The following PCDH7 variants were observed in gnomAD, a reference collection of about 807,000 sequenced individuals.
PCDH7 encodes protocadherin-7.
Under a neutral mutation model 58.9 loss-of-function variants are expected in PCDH7, and 17 were observed. That is an observed-to-expected ratio of 0.29 (90% CI 0.20 to 0.43). PCDH7 has a LOEUF of 0.43. Ranked by LOEUF, PCDH7 falls within the 20% of genes least tolerant of loss-of-function variation. The pLI, the probability that PCDH7 is intolerant of heterozygous loss-of-function variation, is 1.00. For missense variants in PCDH7, 1,274 were observed against 1,441.0 expected (o/e 0.88, Z 1.88); for synonymous variants, 664 against 616.4 (o/e 1.08, Z -1.14).
chr4:30,991,981 C>G (rs955399478), intron 3 of PCDH7, among the ~76,000 whole-genome samples: 1 of 152,142 alleles, frequency 6.6e-6, no homozygotes, highest in Middle Eastern at 3.4e-3. Context: ...GTGAGTAGAG[C>G]CATGTCTTTG....
intron 3 of PCDH7, among the ~76,000 whole-genome samples, chr4:31,019,224 A>T (rs890798791): frequency 2.0e-5 from 3 of 152,198 alleles, no homozygotes; most frequent in African/African-American, 7.2e-5. Flanking sequence ...ACAAATTATG[A>T]TATATTTATA....
At chr4:30,824,100 TTTCTTTC>T (rs1247362016) in intron 1 of PCDH7, among the ~76,000 whole-genome samples, 1 of 115,568 alleles carries the variant, frequency 8.7e-6, no homozygotes, top group Non-Finnish European at 1.8e-5. Flanking sequence ...TCTTTCTTTC[TTTCTTTC>T]TTTCTTTCTT....
intron 1 of PCDH7, among the ~76,000 whole-genome samples, chr4:30,741,349 T>C (rs2109248640): frequency 7.1e-6 from 1 of 140,146 alleles, no homozygotes; most frequent in East Asian, 2.0e-4. Flanking sequence ...TGCCACCATA[T>C]ATGGCTAGTT....
intron 1 of PCDH7, among the ~76,000 whole-genome samples, chr4:30,899,169 C>G (rs1022953083): frequency 1.5e-4 from 23 of 152,058 alleles, no homozygotes; most frequent in African/African-American, 5.6e-4. Context: ...GTCACTGCCC[C>G]AGGGTTTTTT....
chr4:30,812,474 G>A (rs1205925613), intron 1 of PCDH7, among the ~76,000 whole-genome samples: 2 of 152,134 alleles, frequency 1.3e-5, no homozygotes, highest in Non-Finnish European at 2.9e-5. Context: ...TTGTATGAAA[G>A]TGTTTAGTCA....
chr4:30,833,460 A>G (rs1730066017), intron 1 of PCDH7, among the ~76,000 whole-genome samples: 1 of 152,150 alleles, frequency 6.6e-6, no homozygotes. Context: ...TTCCACATAT[A>G]AGAGCCCTTG....
At chr4:30,807,923 G>C (rs536996061) in intron 1 of PCDH7, among the ~76,000 whole-genome samples, 8 of 152,118 alleles carry the variant, frequency 5.3e-5, no homozygotes, top group Non-Finnish European at 8.8e-5. Context: ...GTCCACCCAG[G>C]TTTCGTTTTT....
chr4:31,023,681 C>CT (rs938794940), intron 3 of PCDH7, among the ~76,000 whole-genome samples: 18 of 152,100 alleles, frequency 1.2e-4, no homozygotes, highest in African/African-American at 4.3e-4. Flanking sequence ...TTTTTCCCTC[C>CT]TTTTTTGTAT....
rs75997359 is a variant in PCDH7, at chr4:30,800,200, G to C, written c.70+75604G>C. On this transcript the variant is annotated intron_variant, in intron 1 of 3. Coordinates refer to the PCDH7 transcript ENST00000509759. ...CTGATATCATAAGTAAAGTATATCA[G>C]GGATCCTAATGTCAGTGTGGGGTCA... Among the ~76,000 whole-genome samples, 594 of 152,038 alleles carry C rather than the reference G, an allele frequency of 3.9e-3. 3 individuals are homozygous for C. The highest frequency in any genetic ancestry group is 0.014 in the African/African-American group (569 of 41,460).
At chr4:30,955,592 A>G (rs2109452811) in intron 3 of PCDH7, among the ~76,000 whole-genome samples, 1 of 151,444 alleles carries the variant, frequency 6.6e-6, no homozygotes, top group African/African-American at 2.4e-5. Context: ...CCCAGGCTGG[A>G]GTGCAGTGAG....
At chr4:31,028,828 G>A (rs188676849) in intron 3 of PCDH7, among the ~76,000 whole-genome samples, 1 of 152,206 alleles carries the variant, frequency 6.6e-6, no homozygotes, top group Non-Finnish European at 1.5e-5. Context: ...AGAATAATTT[G>A]AGGCTTTGGG....
chr4:30,920,307 A>G, exon 2 of PCDH7: 1 of 1,367,648 alleles, frequency 7.3e-7, no homozygotes, highest in Non-Finnish European at 9.8e-7. Flanking sequence ...CCACTCCCAG[A>G]GGACAACTAT....
intron 1 of PCDH7, among the ~76,000 whole-genome samples, chr4:30,844,024 C>T (rs1051888815): frequency 2.6e-5 from 4 of 152,170 alleles, no homozygotes; most frequent in Non-Finnish European, 5.9e-5. Context: ...AAATTACTTG[C>T]ACTGTATGGT....
At chr4:30,772,510 T>C (rs996083914) in intron 1 of PCDH7, among the ~76,000 whole-genome samples, 2 of 152,220 alleles carry the variant, frequency 1.3e-5, no homozygotes, top group Non-Finnish European at 2.9e-5. Flanking sequence ...CCTACAAAAC[T>C]GCTACTGTGT....
chr4:30,900,333 C>T (rs1330689777), intron 1 of PCDH7, among the ~76,000 whole-genome samples: 2 of 152,128 alleles, frequency 1.3e-5, no homozygotes, highest in African/African-American at 4.8e-5. Context: ...GTTCAATTAT[C>T]AGCTCCAAGT....
intron 1 of PCDH7, among the ~76,000 whole-genome samples, chr4:30,835,145 G>A (rs371083736): frequency 1.1e-4 from 17 of 152,024 alleles, no homozygotes; most frequent in African/African-American, 3.9e-4. Context: ...GGGAAAATTC[G>A]TAATAATTGT....
intron 3 of PCDH7, among the ~76,000 whole-genome samples, chr4:31,001,017 C>T (rs1413111355): frequency 6.6e-6 from 1 of 150,422 alleles, no homozygotes; most frequent in Non-Finnish European, 1.5e-5. Context: ...TAAGTGGCGG[C>T]AGTGTGGGCA....
At chr4:30,808,896 T>C (rs542014082) in intron 1 of PCDH7, among the ~76,000 whole-genome samples, 24 of 152,284 alleles carry the variant, frequency 1.6e-4, no homozygotes, top group African/African-American at 5.3e-4. Flanking sequence ...CTTAGAGGTC[T>C]TCATCAGTGA....
At chr4:30,798,770 T>G (rs1247925670) in intron 1 of PCDH7, among the ~76,000 whole-genome samples, 2 of 152,206 alleles carry the variant, frequency 1.3e-5, no homozygotes, top group Non-Finnish European at 2.9e-5. Flanking sequence ...AACGAATCCA[T>G]GGCCTCTCAT....
Sources: allele counts gnomAD v4.1 joint callset (sites outside exome capture counted in the v4.1 genomes callset), GRCh38; gene constraint gnomAD v4.1.1; transcripts MANE v1.5; gene names NCBI Gene and HGNC (gene_info 2026-07-23, HGNC 2026-07-21).